Variants in PRKCE observed in about 807,000 individuals in gnomAD.
The protein encoded by PRKCE is protein kinase C epsilon type.
In PRKCE, 16 loss-of-function variants were observed where a neutral mutation model predicts 85.4. That is an observed-to-expected ratio of 0.19 (90% CI 0.13 to 0.28). PRKCE has a LOEUF of 0.28. Among genes scored for constraint, PRKCE ranks in the 10% least tolerant of loss-of-function variants. PRKCE has a pLI of 1.00. For synonymous variants in PRKCE, 388 were observed against 371.5 expected (o/e 1.04, Z -0.51); for missense variants, 573 against 975.2 (o/e 0.59, Z 5.49).
intron 14 of PRKCE, among the ~76,000 whole-genome samples, chr2:46,183,423 G>C (rs1351896753): frequency 1.3e-5 from 2 of 152,210 alleles, no homozygotes; most frequent in African/African-American, 4.8e-5. Context: ...AAATAATAAT[G>C]TGAATCTTTC....
intron 1 of PRKCE, among the ~76,000 whole-genome samples, chr2:45,768,632 G>A (rs1376808882): frequency 1.3e-5 from 2 of 152,128 alleles, no homozygotes; most frequent in African/African-American, 4.8e-5. Flanking sequence ...CCTGAACAAT[G>A]GGCCAGACAG....
chr2:45,755,955 C>G (rs778308485), intron 1 of PRKCE, among the ~76,000 whole-genome samples: 4 of 152,120 alleles, frequency 2.6e-5, no homozygotes, highest in African/African-American at 7.2e-5. Flanking sequence ...GAGTGGATTC[C>G]GTGTTGGGAG....
chr2:45,675,555 C>T (rs535185307), intron 1 of PRKCE: 20 of 152,320 alleles, frequency 1.3e-4, no homozygotes, highest in South Asian at 2.1e-4. Context: ...ACCGGTCTGA[C>T]GAGTTTTAAG....
chr2:46,111,437 A>G (rs752270913), intron 11 of PRKCE, among the ~76,000 whole-genome samples: 4 of 152,222 alleles, frequency 2.6e-5, no homozygotes, highest in Non-Finnish European at 4.4e-5. Context: ...AATCAACTTT[A>G]GAAAACTTTC....
intron 2 of PRKCE, among the ~76,000 whole-genome samples, chr2:45,862,183 T>C (rs892991196): frequency 2.8e-5 from 4 of 143,924 alleles, no homozygotes; most frequent in Non-Finnish European, 4.6e-5. Flanking sequence ...TCTTCTTGTA[T>C]ACACACACAC....
At chr2:45,877,712 T>G (rs1316501467) in intron 2 of PRKCE, among the ~76,000 whole-genome samples, 1 of 151,606 alleles carries the variant, frequency 6.6e-6, no homozygotes, top group East Asian at 2.0e-4. Context: ...CTGAAGTCTT[T>G]TGTTGTTCTT....
rs116040638 is a variant in PRKCE, at chr2:46,043,350, C to T, written c.1437+32833C>T. On this transcript the variant is annotated intron_variant, in intron 10 of 14. Transcript: ENST00000306156. ...ACTTCTTACAGTCATGCTTATATGGCAAGACAAACAACTTTCATTCCAGCA... is the reference window on the plus strand; with the variant it reads ...ACTTCTTACAGTCATGCTTATATGGTAAGACAAACAACTTTCATTCCAGCA... 3.8e-3 allele frequency among the ~76,000 whole-genome samples: 577 copies of T among 152,260 alleles called. 7 individuals carry two copies. Among genetic ancestry groups the T allele is most frequent in the African/African-American group, 0.013 (552 of 41,556 alleles).
At chr2:45,931,270 TG>T (rs1421957189) in intron 2 of PRKCE, among the ~76,000 whole-genome samples, 4 of 152,256 alleles carry the variant, frequency 2.6e-5, no homozygotes, top group Non-Finnish European at 5.9e-5. Flanking sequence ...ATTTATGACA[TG>T]CCTGGCTTTG....
rs1031624138 is a variant in PRKCE, at chr2:46,145,773, T to A, written c.1731+542T>A. ...GTCCCAGCTACTTGGGAGGCTGAGG[T>A]GAAAGGATCAATTGAGCCCAGAAGG... On this transcript the variant is annotated intron_variant, in intron 12 of 14. Coordinates refer to ENST00000306156, the MANE Select transcript of PRKCE (RefSeq NM_005400.3). This position sits in a 1 kb window ranked among gnomAD's most constrained non-coding sequence, Gnocchi z 4.6. Among the ~76,000 whole-genome samples, 7 of 151,632 alleles carry A rather than the reference T, an allele frequency of 4.6e-5. No homozygotes were observed. Among genetic ancestry groups the A allele is most frequent in the Non-Finnish European group, 1.0e-4 (7 of 67,956 alleles).
chr2:46,137,577 C>T (rs972196169), intron 11 of PRKCE, among the ~76,000 whole-genome samples: 3 of 150,112 alleles, frequency 2.0e-5, no homozygotes, highest in Non-Finnish European at 3.0e-5. Context: ...ATGGTGAAAC[C>T]CTGTCTCTAC....
At chr2:45,973,534 T>G (rs1702243422) in intron 2 of PRKCE, among the ~76,000 whole-genome samples, 1 of 152,186 alleles carries the variant, frequency 6.6e-6, no homozygotes, top group African/African-American at 2.4e-5. Flanking sequence ...ATAGAAACCT[T>G]GGAGGAAGTT....
chr2:46,028,926 C>T (rs1039388091), intron 10 of PRKCE, among the ~76,000 whole-genome samples: 1 of 152,118 alleles, frequency 6.6e-6, no homozygotes, highest in African/African-American at 2.4e-5. Context: ...TTTTCTGTTC[C>T]TGTGTTAGTT....
chr2:46,033,394 T>C (rs1280313877), intron 10 of PRKCE, among the ~76,000 whole-genome samples: 1 of 152,174 alleles, frequency 6.6e-6, no homozygotes, highest in East Asian at 1.9e-4. Flanking sequence ...GATCTTGCTG[T>C]CTCAGTTGAC....
intron 14 of PRKCE, among the ~76,000 whole-genome samples, chr2:46,160,396 C>T (rs542491795): frequency 2.6e-5 from 4 of 152,306 alleles, no homozygotes; most frequent in African/African-American, 9.6e-5. Flanking sequence ...AGTCTGGGCT[C>T]GACTCACAAA....
intron 11 of PRKCE, among the ~76,000 whole-genome samples, chr2:46,110,921 A>T (rs904033813): frequency 3.9e-5 from 6 of 152,130 alleles, no homozygotes; most frequent in Admixed American, 3.9e-4. Context: ...AGTATTTTTA[A>T]ATATTTCTTG....
intron 10 of PRKCE, among the ~76,000 whole-genome samples, chr2:46,076,232 G>A (rs921208064): frequency 2.0e-5 from 3 of 152,168 alleles, no homozygotes; most frequent in South Asian, 2.1e-4. Flanking sequence ...GCAGGAGATC[G>A]CTCTGGTGGT....
At chr2:45,950,951 C>G (rs536481711) in intron 2 of PRKCE, among the ~76,000 whole-genome samples, 1 of 152,124 alleles carries the variant, frequency 6.6e-6, no homozygotes, top group African/African-American at 2.4e-5. Flanking sequence ...TGGTGGCTCC[C>G]GATCTGAGAT....
intron 10 of PRKCE, among the ~76,000 whole-genome samples, chr2:46,034,050 G>A (rs543502529): frequency 6.6e-6 from 1 of 152,354 alleles, no homozygotes; most frequent in African/African-American, 2.4e-5. Flanking sequence ...CCCACTGACA[G>A]TGGGTAAGGA....
At chr2:45,840,037 C>T (rs1691219165) in intron 1 of PRKCE, among the ~76,000 whole-genome samples, 1 of 152,192 alleles carries the variant, frequency 6.6e-6, no homozygotes, top group South Asian at 2.1e-4. Flanking sequence ...TTCTCACTCC[C>T]CTTTTGCAAA....
Sources: gnomAD v4.1 joint callset for allele counts (sites outside exome capture counted in the v4.1 genomes callset) on GRCh38, gnomAD v4.1.1 for gene constraint, Gnocchi (gnomAD v3.1) non-coding constraint, MANE v1.5 for transcripts, NCBI Gene and HGNC (gene_info 2026-07-23, HGNC 2026-07-21) for gene names.